EPHA6: variants seen among roughly 807,000 people sequenced by gnomAD.
The protein encoded by EPHA6 is EPH receptor A6.
In EPHA6, 50 loss-of-function variants were observed where a neutral mutation model predicts 112.0. The observed-to-expected ratio is 0.45, with a 90% CI of 0.36 to 0.56. EPHA6 has a LOEUF of 0.56. Ranked by LOEUF, EPHA6 falls within the 20% of genes least tolerant of loss-of-function variation. The pLI is 0.00. For synonymous variants in EPHA6, 529 were observed against 490.7 expected, an observed-to-expected ratio of 1.08 and a Z score of -1.03; for missense variants, 1,280 against 1,417.4, an observed-to-expected ratio of 0.90 and a Z score of 1.56.
intron 1 of EPHA6, among the ~76,000 whole-genome samples, chr3:96,844,792 G>A (rs1434256318): frequency 6.6e-6 from 1 of 151,948 alleles, no homozygotes; most frequent in African/African-American, 2.4e-5. Context: ...GGTAGAAAGT[G>A]TGTGATCAAG....
chr3:97,092,716 G>A (rs1409315228), intron 3 of EPHA6, among the ~76,000 whole-genome samples: 2 of 151,950 alleles, frequency 1.3e-5, no homozygotes, highest in East Asian at 1.9e-4. Flanking sequence ...ATAATATCGA[G>A]CAATTGTATT....
chr3:97,576,508 G>C (rs1437961395), intron 11 of EPHA6, among the ~76,000 whole-genome samples: 2 of 152,176 alleles, frequency 1.3e-5, no homozygotes, highest in East Asian at 3.9e-4. Context: ...ATCTTGACAA[G>C]CTTGTATTTT....
intron 6 of EPHA6, among the ~76,000 whole-genome samples, chr3:97,421,384 G>T (rs2088617650): frequency 6.6e-6 from 1 of 152,046 alleles, no homozygotes; most frequent in Non-Finnish European, 1.5e-5. Flanking sequence ...ACATTTTAAA[G>T]AAGTTAAATT....
chr3:97,505,310 G>A (rs2092220771), intron 10 of EPHA6, among the ~76,000 whole-genome samples: 4 of 152,068 alleles, frequency 2.6e-5, no homozygotes, highest in Admixed American at 2.6e-4. Flanking sequence ...ATCTACATTA[G>A]GTATTTCTTC....
chr3:96,979,656 C>T (rs1276008665), intron 2 of EPHA6, among the ~76,000 whole-genome samples: 1 of 152,176 alleles, frequency 6.6e-6, no homozygotes, highest in African/African-American at 2.4e-5. Flanking sequence ...AACTAGTTTA[C>T]AGACCCACCA....
At chr3:97,144,341 T>C (rs1479256684) in intron 3 of EPHA6, among the ~76,000 whole-genome samples, 1 of 151,622 alleles carries the variant, frequency 6.6e-6, no homozygotes, top group African/African-American at 2.4e-5. Context: ...TATTTATATT[T>C]ACAACTTTAC....
chr3:97,382,097 A>G (rs1054194313), intron 5 of EPHA6, among the ~76,000 whole-genome samples: 3 of 152,144 alleles, frequency 2.0e-5, no homozygotes, highest in Non-Finnish European at 2.9e-5. Context: ...TATATTTTAA[A>G]TAAACTATTG....
At chr3:97,307,352 T>A (rs551928217) in intron 5 of EPHA6, among the ~76,000 whole-genome samples, 1 of 151,926 alleles carries the variant, frequency 6.6e-6, no homozygotes, top group Non-Finnish European at 1.5e-5. Flanking sequence ...AAGTGGCCTG[T>A]AAAACACTGT....
intron 13 of EPHA6, among the ~76,000 whole-genome samples, chr3:97,621,750 G>C (rs960000462): frequency 5.3e-5 from 8 of 151,858 alleles, no homozygotes; most frequent in African/African-American, 1.9e-4. Context: ...GCATATAACC[G>C]ATTGTGACAA....
At chr3:97,555,004 T>A (rs1351404698) in intron 11 of EPHA6, among the ~76,000 whole-genome samples, 2 of 151,918 alleles carry the variant, frequency 1.3e-5, no homozygotes, top group Non-Finnish European at 2.9e-5. Context: ...TATGTATACA[T>A]GTGCCATGCT....
intron 14 of EPHA6, among the ~76,000 whole-genome samples, chr3:97,678,749 C>T (rs948025360): frequency 2.0e-5 from 3 of 152,088 alleles, no homozygotes; most frequent in Non-Finnish European, 4.4e-5. Flanking sequence ...ATTTGATATA[C>T]AAAAATTATG....
intron 11 of EPHA6, among the ~76,000 whole-genome samples, chr3:97,571,257 C>T (rs1289104735): frequency 1.3e-5 from 2 of 151,828 alleles, no homozygotes; most frequent in East Asian, 3.9e-4. Flanking sequence ...AGCAGAGGGA[C>T]CAATTAGCAG....
chr3:97,304,693 T>C (rs1559866036), intron 5 of EPHA6, among the ~76,000 whole-genome samples: 1 of 152,074 alleles, frequency 6.6e-6, no homozygotes, highest in Non-Finnish European at 1.5e-5. Flanking sequence ...CCTATCGATA[T>C]GCACAAAATT....
chr3:97,472,823 C>G (rs552862825), intron 7 of EPHA6, among the ~76,000 whole-genome samples: 2 of 151,658 alleles, frequency 1.3e-5, no homozygotes, highest in Non-Finnish European at 3.0e-5. Context: ...TAACCAAAAC[C>G]GCTAGATCTA....
chr3:97,490,260 T>C (rs1391834449), intron 10 of EPHA6, among the ~76,000 whole-genome samples: 1 of 152,100 alleles, frequency 6.6e-6, no homozygotes, highest in Non-Finnish European at 1.5e-5. Flanking sequence ...CAAATAAAAA[T>C]AAGAAAAATT....
chr3:96,985,222 T>C (rs772373882), intron 2 of EPHA6, among the ~76,000 whole-genome samples: 33 of 152,244 alleles, frequency 2.2e-4, no homozygotes, highest in Non-Finnish European at 1.0e-4. Context: ...TTTACTCCTA[T>C]ATGGGAGAGT....
intron 14 of EPHA6, among the ~76,000 whole-genome samples, chr3:97,648,895 G>C (rs1388728973): frequency 6.6e-6 from 1 of 152,080 alleles, no homozygotes; most frequent in Non-Finnish European, 1.5e-5. Flanking sequence ...CTGACACTGT[G>C]CTAAGATACA....
intron 3 of EPHA6, among the ~76,000 whole-genome samples, chr3:97,125,035 CAT>C (rs879828606): frequency 6.6e-6 from 1 of 152,096 alleles, no homozygotes; most frequent in African/African-American, 2.4e-5. Flanking sequence ...GATTTCACCT[CAT>C]AGGAAAAAGT....
At chr3:96,987,261 T>C in intron 2 of EPHA6, 69 bp from the exon 3 acceptor site, 2 of 1,380,456 alleles carry the variant, frequency 1.4e-6, no homozygotes, top group Non-Finnish European at 2.0e-6. Context: ...CAAAAAAAAT[T>C]GTAAGTAATC....
Sources: allele counts gnomAD v4.1 joint callset (sites outside exome capture counted in the v4.1 genomes callset), GRCh38; gene constraint gnomAD v4.1.1; transcripts MANE v1.5; gene names NCBI Gene and HGNC (gene_info 2026-07-23, HGNC 2026-07-21).